GRIK4: variants seen among roughly 807,000 people sequenced by gnomAD.
GRIK4 encodes the protein glutamate ionotropic receptor kainate type subunit 4.
A neutral mutation model predicts 104.9 loss-of-function variants in GRIK4; 40 were observed. That is an observed-to-expected ratio of 0.38 (90% CI 0.30 to 0.50). GRIK4 has a LOEUF of 0.50. Ranked by LOEUF, GRIK4 falls within the 20% of genes least tolerant of loss-of-function variation. The pLI, the probability that GRIK4 is intolerant of heterozygous loss-of-function variation, is 0.93. For missense variants in GRIK4, 1,047 were observed against 1,308.1 expected, an observed-to-expected ratio of 0.80 and a Z score of 3.08; for synonymous variants, 485 against 524.9, an observed-to-expected ratio of 0.92 and a Z score of 1.04.
At chr11:120,767,635 A>G (rs902184413) in intron 3 of GRIK4, among the ~76,000 whole-genome samples, 2 of 152,142 alleles carry the variant, frequency 1.3e-5, no homozygotes, top group African/African-American at 4.8e-5. Context: ...GCCAGTGTCA[A>G]GGAGCTTTTT....
At chr11:120,708,864 T>C (rs1950675044) in intron 3 of GRIK4, among the ~76,000 whole-genome samples, 1 of 152,062 alleles carries the variant, frequency 6.6e-6, no homozygotes, top group Non-Finnish European at 1.5e-5. Flanking sequence ...CCCCCTCCCG[T>C]GCTGTTGGAG....
intron 3 of GRIK4, among the ~76,000 whole-genome samples, chr11:120,784,052 G>A (rs1952215092): frequency 6.6e-6 from 1 of 152,128 alleles, no homozygotes; most frequent in Non-Finnish European, 1.5e-5. Context: ...CCACCAGGAG[G>A]TACTCCCCAG....
At chr11:120,708,036 T>C (rs999329540) in intron 3 of GRIK4, among the ~76,000 whole-genome samples, 2 of 152,112 alleles carry the variant, frequency 1.3e-5, no homozygotes, top group African/African-American at 4.8e-5. Context: ...TGCCACCTCT[T>C]AATGGGAGGA....
intron 8 of GRIK4, among the ~76,000 whole-genome samples, chr11:120,857,841 T>C (rs1232618971): frequency 6.6e-6 from 1 of 152,178 alleles, no homozygotes; most frequent in Non-Finnish European, 1.5e-5. Flanking sequence ...TATCTTTGCT[T>C]CCTGGAAACA....
At chr11:120,746,350 G>T (rs1241195584) in intron 3 of GRIK4, among the ~76,000 whole-genome samples, 1 of 152,196 alleles carries the variant, frequency 6.6e-6, no homozygotes, top group Non-Finnish European at 1.5e-5. Flanking sequence ...GTACAACTGT[G>T]TAAGAAGCTC....
chr11:120,778,334 G>A (rs549576782), intron 3 of GRIK4, among the ~76,000 whole-genome samples: 6 of 152,302 alleles, frequency 3.9e-5, no homozygotes, highest in East Asian at 1.9e-4. Flanking sequence ...GCACTAGGAC[G>A]CTGACTGGGG....
At chr11:120,682,313 G>C (rs1591800078) in intron 3 of GRIK4, among the ~76,000 whole-genome samples, 2 of 152,238 alleles carry the variant, frequency 1.3e-5, no homozygotes, top group East Asian at 3.8e-4. Flanking sequence ...AGGCAAGATG[G>C]TGGCAGCCAG....
intron 3 of GRIK4, among the ~76,000 whole-genome samples, chr11:120,710,964 G>GCGGCC (rs1950721808): frequency 6.6e-6 from 1 of 150,636 alleles, no homozygotes. Flanking sequence ...GGAGCACCAG[G>GCGGCC]CGGCCCGGCC....
At chr11:120,648,314 C>CAG (rs2135213287) in intron 1 of GRIK4, among the ~76,000 whole-genome samples, 1 of 152,342 alleles carries the variant, frequency 6.6e-6, no homozygotes, top group South Asian at 2.1e-4. Flanking sequence ...GTGTCAAATG[C>CAG]AGATGCCCAG....
intron 3 of GRIK4, among the ~76,000 whole-genome samples, chr11:120,741,275 CTT>C (rs762543001): frequency 5.6e-5 from 6 of 106,880 alleles, no homozygotes; most frequent in Admixed American, 2.1e-4. Context: ...CGTGTGCTTT[CTT>C]TTTTTTTTTT....
chr11:120,655,259 A>G (rs1477010862), intron 2 of GRIK4, among the ~76,000 whole-genome samples: 2 of 151,648 alleles, frequency 1.3e-5, no homozygotes, highest in African/African-American at 4.9e-5. Flanking sequence ...GAACCTGGAA[A>G]ACACAGCTTG....
At chr11:120,931,697 T>C (rs1282182601) in intron 13 of GRIK4, among the ~76,000 whole-genome samples, 2 of 152,148 alleles carry the variant, frequency 1.3e-5, no homozygotes, top group African/African-American at 4.8e-5. Context: ...GGATACTGAG[T>C]GAGGTAACAT....
chr11:120,783,258 C>T (rs979038583), intron 3 of GRIK4, among the ~76,000 whole-genome samples: 1 of 152,234 alleles, frequency 6.6e-6, no homozygotes, highest in Non-Finnish European at 1.5e-5. Flanking sequence ...AGTGGGAAGA[C>T]CACGAGAACA....
At position 120,668,792 on chromosome 11, in the gene GRIK4, CTAGTG is replaced by C. The variant is rs369262999; in HGVS notation, c.82+8395_82+8399del. 3.1e-3 allele frequency among the ~76,000 whole-genome samples: 473 copies of C among 152,330 alleles called. 2 individuals carry two copies. Among genetic ancestry groups the C allele is most frequent in the African/African-American group, 0.011 (456 of 41,564 alleles). On this transcript the variant is annotated intron_variant, in intron 3 of 20. Transcript: ENST00000527524. ...ATATGAATCTGAGCTCCACCCTTTA[CTAGTG>C]TATGACTTTGGGCAAGAACATAATT...
At position 120,908,653 on chromosome 11, in the gene GRIK4, C is replaced by G. The variant is rs115762606; in HGVS notation, c.1476+3160C>G. ...CAGAAGGGGTGTGTTAGCTGCTGGT[C>G]ATAGCTTTGTATTAAGCACAGATGA... On this transcript the variant is annotated intron_variant, in intron 13 of 20. Transcript: ENST00000527524. Among the ~76,000 whole-genome samples the G allele has an allele frequency of 5.8e-3, 890 of 152,222 alleles. 9 individuals carry two copies. Among genetic ancestry groups the G allele is most frequent in the African/African-American group, 0.02 (834 of 41,526 alleles).
chr11:120,848,228 T>C (rs1329867403), intron 8 of GRIK4, among the ~76,000 whole-genome samples: 1 of 152,138 alleles, frequency 6.6e-6, no homozygotes, highest in Non-Finnish European at 1.5e-5. Flanking sequence ...CTATGTGCCA[T>C]TGACGAACTA....
chr11:120,831,773 G>T (rs947620032), intron 6 of GRIK4, 79 bp from the exon 7 acceptor site: 1 of 1,108,304 alleles, frequency 9.0e-7, no homozygotes. Context: ...CCACATCTCC[G>T]TGCCTTCCTG....
intron 13 of GRIK4, among the ~76,000 whole-genome samples, chr11:120,927,586 AAAAG>A (rs1555096054): frequency 2.1e-4 from 20 of 95,590 alleles, no homozygotes; most frequent in African/African-American, 3.9e-4. Context: ...AAAAAAAAAA[AAAAG>A]AAAGAAAGAA....
chr11:120,982,002 A>G (rs1177702464), intron 19 of GRIK4, 104 bp from the exon 20 acceptor site: 15 of 792,000 alleles, frequency 1.9e-5, no homozygotes, highest in African/African-American at 6.8e-5. Context: ...TTGAGCATCT[A>G]CCATACTCAA....
Sources: gnomAD v4.1 joint callset for allele counts (sites outside exome capture counted in the v4.1 genomes callset) on GRCh38, gnomAD v4.1.1 for gene constraint, MANE v1.5 for transcripts, NCBI Gene and HGNC (gene_info 2026-07-23, HGNC 2026-07-21) for gene names.